NEBL: variants seen among roughly 807,000 people sequenced by gnomAD.
The protein encoded by NEBL is nebulette.
NEBL carries 122 observed loss-of-function variants against 140.2 expected under a neutral mutation model. The ratio of observed to expected loss-of-function variants is 0.87; its 90% CI spans 0.75 to 1.01. The LOEUF (loss-of-function observed/expected upper bound fraction) is 1.01. Among genes scored for constraint, NEBL ranks in the 50% least tolerant of loss-of-function variants. The pLI is 0.00. For missense variants in NEBL, 1,365 were observed against 1,231.3 expected, an observed-to-expected ratio of 1.11 and a Z score of -1.62; for synonymous variants, 436 against 398.9, an observed-to-expected ratio of 1.09 and a Z score of -1.11.
At chr10:21,070,779 C>T (rs2131902910) in intron 2 of NEBL, among the ~76,000 whole-genome samples, 1 of 152,286 alleles carries the variant, frequency 6.6e-6, no homozygotes, top group East Asian at 1.9e-4. Context: ...GAAACGGAGT[C>T]TTTATTGAGG....
At chr10:20,801,456 C>T (rs960593095) in intron 26 of NEBL, among the ~76,000 whole-genome samples, 1 of 152,032 alleles carries the variant, frequency 6.6e-6, no homozygotes. Context: ...CTGGGCCTCC[C>T]AAAGTGCTGG....
chr10:20,827,147 G>A (rs180802729), intron 17 of NEBL, among the ~76,000 whole-genome samples: 11 of 152,276 alleles, frequency 7.2e-5, no homozygotes, highest in African/African-American at 1.4e-4. Context: ...GAGTGCCCTC[G>A]TTATGAGTAC....
At chr10:21,039,673 G>T (rs1589163716) in intron 2 of NEBL, among the ~76,000 whole-genome samples, 1 of 152,280 alleles carries the variant, frequency 6.6e-6, no homozygotes, top group East Asian at 1.9e-4. Context: ...AGTAAGAGAT[G>T]CATCTCACCT....
intron 3 of NEBL, among the ~76,000 whole-genome samples, chr10:21,237,021 C>CT (rs1842362453): frequency 6.6e-6 from 1 of 152,206 alleles, no homozygotes; most frequent in African/African-American, 2.4e-5. Context: ...CCCAGGCAGC[C>CT]TGACACCTAA....
At chr10:21,181,788 T>C (rs745451999) in intron 3 of NEBL, among the ~76,000 whole-genome samples, 2 of 152,240 alleles carry the variant, frequency 1.3e-5, no homozygotes, top group Non-Finnish European at 2.9e-5. Context: ...CTCCTGCTTC[T>C]CTTGGCATCT....
In NEBL at chr10:21,286,794, G is replaced by A. The variant is rs138426153; in HGVS notation, n.182+6036C>T. ...GCGGAGGTTGCAGTGAGCCGAGATGGCGCCACTGCGCTCCAGCCTGGGTGA... is the reference window on the plus strand; with the variant it reads ...GCGGAGGTTGCAGTGAGCCGAGATGACGCCACTGCGCTCCAGCCTGGGTGA... On this transcript the variant is annotated intron_variant and non_coding_transcript_variant, in intron 1 of 8. Coordinates refer to the NEBL transcript ENST00000675702. 6.5e-3 allele frequency among the ~76,000 whole-genome samples: 982 copies of A among 152,088 alleles called. 7 individuals are homozygous for A. The highest frequency in any genetic ancestry group is 0.01 in the Admixed American group (155 of 15,284).
At chr10:20,977,185 T>C (rs1280119589) in intron 3 of NEBL, among the ~76,000 whole-genome samples, 2 of 152,162 alleles carry the variant, frequency 1.3e-5, no homozygotes, top group African/African-American at 2.4e-5. Flanking sequence ...CACTGCCCTT[T>C]AGATAGAAGC....
rs547167499 is a variant in NEBL at position 20,783,968 on chromosome 10, C to G, written c.*1779G>C. 1 of 152,316 alleles carries G rather than the reference C, an allele frequency of 6.6e-6. No homozygotes were observed. The highest frequency in any genetic ancestry group is 1.9e-4 in the East Asian group (1 of 5,190). 9.4% of individuals were successfully genotyped at this position (152,316 alleles called of 1,614,324 possible). A position where few individuals can be genotyped will look rare whatever the true frequency, so the allele number is the denominator to read the frequency against. The stretch of plus-strand genomic sequence containing the variant: ...TAGATGCAGCTTCAGTGTAATAAAG[C>G]CTATTTACCCTTTTAGCCTAATAAA... On this transcript the variant is annotated 3_prime_UTR_variant, in exon 28 of 28. Coordinates refer to ENST00000377122, the MANE Select transcript of NEBL (RefSeq NM_006393.3).
intron 7 of NEBL, among the ~76,000 whole-genome samples, chr10:20,863,262 T>C (rs1189619742): frequency 6.6e-6 from 1 of 152,022 alleles, no homozygotes; most frequent in African/African-American, 2.4e-5. Flanking sequence ...ACCCAAAACT[T>C]TACACTGACA....
Position 20,845,386 on chromosome 10 carries a change from A to G in NEBL, c.1117-18T>C, listed in dbSNP as rs1588768201. The G allele has an allele frequency of 7.0e-7, 1 of 1,419,436 alleles. No homozygotes were observed. Among genetic ancestry groups the G allele is most frequent in the Non-Finnish European group, 1.0e-6 (1 of 1,003,850 alleles). The allele number at this position is 1,419,436 out of a possible 1,614,324, so 87.9% of individuals were successfully genotyped here. A position where few individuals can be genotyped will look rare whatever the true frequency, so the allele number is the denominator to read the frequency against. ...TAAACTTTCTGTTAAATAAGACCAC[A>G]TAATTTTAAAGTTAGCAAATATCAG... is the stretch of plus-strand genomic sequence containing the variant. On this transcript the variant is annotated intron_variant, in intron 11 of 27. Coordinates refer to ENST00000377122, the MANE Select transcript of NEBL (RefSeq NM_006393.3).
Position 20,835,638 on chromosome 10 carries a change from A to T in NEBL, c.1339-15T>A. On this transcript the variant is annotated splice_polypyrimidine_tract_variant and intron_variant, in intron 13 of 27. Transcript: ENST00000377122. ...TTGTATTCTTTCTGCAAAAGACAAC[A>T]TTTTACAACATTCAAACACTCAGTG... is the stretch of plus-strand genomic sequence containing the variant. 1 of 1,541,914 alleles carries T rather than the reference A, an allele frequency of 6.5e-7. No homozygotes were observed. The highest frequency in any genetic ancestry group is 1.7e-5 in the Admixed American group (1 of 59,896).
intron 4 of NEBL, among the ~76,000 whole-genome samples, chr10:20,926,553 G>C (rs1483145213): frequency 6.6e-6 from 1 of 152,112 alleles, no homozygotes; most frequent in Non-Finnish European, 1.5e-5. Flanking sequence ...CGTATTCCAA[G>C]GATTTCTATC....
At chr10:20,959,151 G>A (rs1835938400) in intron 4 of NEBL, among the ~76,000 whole-genome samples, 1 of 152,048 alleles carries the variant, frequency 6.6e-6, no homozygotes. Context: ...GAAACAAATA[G>A]GAGAAAATGA....
rs1589191773 is a variant in NEBL, at chr10:21,062,154, G to C, written c.165-41953C>G. On this transcript the variant is annotated intron_variant, in intron 2 of 6. Coordinates refer to the NEBL transcript ENST00000417816. ...TATCAGTCTGACTTATATTTTATGT[G>C]CCAAGTTTTTAGCATTTCAGCAGGT... Among the ~76,000 whole-genome samples, 3 of 152,176 alleles carry C rather than the reference G, an allele frequency of 2.0e-5. No homozygotes were observed. In the East Asian group the frequency reaches 5.8e-4, roughly 29 times the overall value.
chr10:21,269,585 G>A (rs1162085489), intron 1 of NEBL, among the ~76,000 whole-genome samples: 1 of 152,114 alleles, frequency 6.6e-6, no homozygotes, highest in Non-Finnish European at 1.5e-5. Context: ...TGACTTCAAA[G>A]GCTACACCCT....
At chr10:21,036,603 G>C (rs1172815374) in intron 2 of NEBL, among the ~76,000 whole-genome samples, 1 of 152,098 alleles carries the variant, frequency 6.6e-6, no homozygotes, top group African/African-American at 2.4e-5. Flanking sequence ...CTCTGGAAAT[G>C]TCACCAGGCC....
At chr10:20,824,904 A>G (rs1564357975) in intron 18 of NEBL, among the ~76,000 whole-genome samples, 1 of 152,214 alleles carries the variant, frequency 6.6e-6, no homozygotes, top group Non-Finnish European at 1.5e-5. Flanking sequence ...TTTAAATATT[A>G]TCATTGGAAA....
chr10:20,948,119 A>G lies in NEBL; in HGVS notation c.357+13553T>C, dbSNP rs141468745. Among the ~76,000 whole-genome samples the G allele has an allele frequency of 3.5e-3, 534 of 152,276 alleles. 4 individuals carry two copies. The highest frequency in any genetic ancestry group is 0.012 in the African/African-American group (513 of 41,564). On this transcript the variant is annotated intron_variant, in intron 4 of 6. Transcript: ENST00000417816. The stretch of plus-strand genomic sequence containing the variant: ...AGCTTTAGAGTTGAGTGTTGTTCCT[A>G]TTTTTAAATTTCTTTCATTTAGGGG...
At chr10:21,057,484 T>C (rs1043821288) in intron 2 of NEBL, among the ~76,000 whole-genome samples, 1 of 150,574 alleles carries the variant, frequency 6.6e-6, no homozygotes, top group African/African-American at 2.4e-5. Context: ...TACAAACTAG[T>C]TTTCAAATCT....
Sources: gnomAD v4.1 joint callset for allele counts (sites outside exome capture counted in the v4.1 genomes callset) on GRCh38, gnomAD v4.1.1 for gene constraint, MANE v1.5 for transcripts, NCBI Gene and HGNC (gene_info 2026-07-23, HGNC 2026-07-21) for gene names.